Variants in PTPRA observed in about 807,000 individuals in gnomAD.
The protein encoded by PTPRA is protein tyrosine phosphatase receptor type A, also known as receptor-type tyrosine-protein phosphatase alpha.
A neutral mutation model predicts 104.8 loss-of-function variants in PTPRA; 25 were observed. That is an observed-to-expected ratio of 0.24 (90% confidence interval 0.17 to 0.33). The LOEUF is 0.33. PTPRA is among the 10% of genes least tolerant of loss of function. PTPRA has a pLI of 1.00. For synonymous variants in PTPRA, 323 were observed against 368.9 expected (o/e 0.88, Z 1.43); for missense variants, 765 against 1,015.3 (o/e 0.75, Z 3.35).
At chr20:2,926,841 A>T (rs1375898495) in intron 2 of PTPRA, among the ~76,000 whole-genome samples, 2 of 128,702 alleles carry the variant, frequency 1.6e-5, no homozygotes, top group African/African-American at 6.1e-5. Context: ...CTCAGGCTGG[A>T]GTACAGTGGT....
At chr20:2,941,860 G>C (rs920821649) in intron 2 of PTPRA, among the ~76,000 whole-genome samples, 1 of 152,104 alleles carries the variant, frequency 6.6e-6, no homozygotes, top group African/African-American at 2.4e-5. Flanking sequence ...GTGCCTTAGG[G>C]AGGCCTTGGC....
chr20:2,905,391 GC>G (rs2059387751), intron 1 of PTPRA, among the ~76,000 whole-genome samples: 1 of 152,158 alleles, frequency 6.6e-6, no homozygotes, highest in African/African-American at 2.4e-5. Context: ...CTGGTTGGCT[GC>G]TCTCTAGCAC....
chr20:3,006,165 T>C (rs1036857548), intron 10 of PTPRA, among the ~76,000 whole-genome samples: 5 of 151,968 alleles, frequency 3.3e-5, no homozygotes, highest in African/African-American at 9.7e-5. Flanking sequence ...GCCAGTATAT[T>C]TGCCTTTTAA....
chr20:2,898,325 C>G (rs1461298439), intron 1 of PTPRA, among the ~76,000 whole-genome samples: 2 of 151,752 alleles, frequency 1.3e-5, no homozygotes, highest in Non-Finnish European at 2.9e-5. Context: ...TGTGATCCGC[C>G]CACCTCGGCC....
intron 6 of PTPRA, among the ~76,000 whole-genome samples, chr20:2,978,599 T>C (rs1226049575): frequency 2.0e-4 from 30 of 152,168 alleles, no homozygotes; most frequent in Admixed American, 2.0e-3. Flanking sequence ...AAAGAAGTTA[T>C]AGCAAGTAGG....
intron 5 of PTPRA, among the ~76,000 whole-genome samples, chr20:2,966,624 TTAC>T (rs1483980403): frequency 6.6e-6 from 1 of 152,254 alleles, no homozygotes; most frequent in Non-Finnish European, 1.5e-5. Flanking sequence ...GTCATAGTTA[TTAC>T]TGTGTGCTAG....
chr20:2,890,292 A>T (rs990364645), intron 1 of PTPRA, among the ~76,000 whole-genome samples: 1 of 151,468 alleles, frequency 6.6e-6, no homozygotes, highest in African/African-American at 2.4e-5. Flanking sequence ...CCCTACAGTT[A>T]TTTTAATTTT....
chr20:2,941,160 A>G (rs1392505747), intron 2 of PTPRA, among the ~76,000 whole-genome samples: 1 of 151,952 alleles, frequency 6.6e-6, no homozygotes, highest in Admixed American at 6.6e-5. Flanking sequence ...CCTCCCTAGT[A>G]GCTGGGATTA....
At chr20:2,964,205 T>A in intron 3 of PTPRA, 67 bp from the exon 4 acceptor site, 1 of 1,307,974 alleles carries the variant, frequency 7.6e-7, no homozygotes, top group South Asian at 1.3e-5. Context: ...AATACTCTTC[T>A]GGTGACCAGC....
intron 1 of PTPRA, among the ~76,000 whole-genome samples, chr20:2,910,274 T>C (rs1316726500): frequency 7.8e-6 from 1 of 127,720 alleles, no homozygotes; most frequent in East Asian, 2.1e-4. Flanking sequence ...CAGTGGAGGG[T>C]ATGCATTATA....
rs150442527 is a variant in PTPRA, at chr20:2,964,307, C to T, written c.30C>T (p.Leu10=). Residue 10 remains leucine, a synonymous_variant, in exon 4 of 24, where the codon CTC becomes CTT. Coordinates refer to ENST00000399903, the MANE Select transcript of PTPRA (RefSeq NM_001385305.1). ...ATTCCTGGTTCATTCTTGTTCTGCT[C>T]GGCAGTGGTCTGATATGTGTCAGTG... is the stretch of plus-strand genomic sequence containing the variant. MDSWFILVL[L]GSGLICVSAN... 2.1e-5 allele frequency: 34 copies of T among 1,610,342 alleles called. No homozygotes were observed. The East Asian group carries it at 2.7e-4, about 13-fold the overall frequency.
intron 3 of PTPRA, among the ~76,000 whole-genome samples, chr20:2,960,107 T>G (rs2061693062): frequency 6.6e-6 from 1 of 152,204 alleles, no homozygotes; most frequent in Non-Finnish European, 1.5e-5. Flanking sequence ...AGCTTTGGTG[T>G]TGTACATTCT....
intron 2 of PTPRA, among the ~76,000 whole-genome samples, chr20:2,938,401 G>T (rs778586853): frequency 6.6e-6 from 1 of 152,006 alleles, no homozygotes; most frequent in Non-Finnish European, 1.5e-5. Flanking sequence ...GGCCAAGCTG[G>T]TCTCGAACTC....
intron 3 of PTPRA, among the ~76,000 whole-genome samples, chr20:2,949,837 C>G (rs961116337): frequency 4.0e-5 from 6 of 151,770 alleles, no homozygotes; most frequent in Non-Finnish European, 7.4e-5. Flanking sequence ...TTTTCTACAT[C>G]AGTTGAAATG....
rs927653748 is a variant in PTPRA at position 2,927,376 on chromosome 20, A to G, written c.-50+4091A>G. The stretch of plus-strand genomic sequence containing the variant: ...TCTCTGAAACTATCAGTTGCTTCCA[A>G]TCATGTCTTTATATTTTATATTTGA... On this transcript the variant is annotated intron_variant, in intron 2 of 23. Transcript: ENST00000399903. Among the ~76,000 whole-genome samples the G allele has an allele frequency of 3.9e-5, 6 of 152,174 alleles. No homozygotes were observed. In the East Asian group the frequency reaches 7.7e-4, roughly 20 times the overall value.
chr20:2,869,669 G>C (rs1474072243), upstream of PTPRA, among the ~76,000 whole-genome samples: 4 of 152,322 alleles, frequency 2.6e-5, no homozygotes, highest in African/African-American at 9.6e-5. Flanking sequence ...CCAGTGCAGG[G>C]AGAATCAGGG....
chr20:2,927,881 G>C (rs182144973), intron 2 of PTPRA, among the ~76,000 whole-genome samples: 37 of 152,002 alleles, frequency 2.4e-4, no homozygotes, highest in Middle Eastern at 6.8e-3. Context: ...GTGGTGGTGG[G>C]TGCCTGTAAT....
At position 3,024,611 on chromosome 20, in the gene PTPRA, A is replaced by T. The variant is rs931713338; in HGVS notation, c.1604A>T (p.Glu535Val). Reference sequence around the variant, plus strand: ...GGGACCAGCAACAATGGATTAGAGGAGGAGTTTAAGGTGAGTTGGAGCTGG... The same window carrying T: ...GGGACCAGCAACAATGGATTAGAGGTGGAGTTTAAGGTGAGTTGGAGCTGG... Reference protein sequence around the residue: ...IPGTSNNGLEEEFKKLTSIKI... With the variant: ...IPGTSNNGLEVEFKKLTSIKI... Residue 535 changes from glutamate to valine, a missense_variant, in exon 17 of 24, where the codon GAG (glutamate) becomes GTG (valine). Around this residue, in one of 4 missense-constraint regions of PTPRA, gnomAD observed 192 missense variants for 227.0 expected, o/e 0.85. Coordinates refer to ENST00000399903, the MANE Select transcript of PTPRA (RefSeq NM_001385305.1). The T allele has an allele frequency of 1.9e-6, 3 of 1,614,050 alleles. No homozygotes were observed. The highest frequency in any genetic ancestry group is 1.7e-6 in the Non-Finnish European group (2 of 1,180,034).
chr20:2,914,532 A>G (rs989694633), intron 1 of PTPRA, among the ~76,000 whole-genome samples: 2 of 148,686 alleles, frequency 1.3e-5, no homozygotes, highest in Non-Finnish European at 3.0e-5. Flanking sequence ...AGTTCATTTT[A>G]TTTTTCTTCC....
Sources: gnomAD v4.1 joint callset for allele counts (sites outside exome capture counted in the v4.1 genomes callset) on GRCh38, gnomAD v4.1.1 for gene constraint, gnomAD v4.1.1 regional missense constraint, MANE v1.5 for transcripts, NCBI Gene and HGNC (gene_info 2026-07-23, HGNC 2026-07-21) for gene names.